The following TRIM33 variants were observed in gnomAD, a reference collection of about 807,000 sequenced individuals.
The protein encoded by TRIM33 is E3 ubiquitin-protein ligase TRIM33.
Under a neutral mutation model 125.4 loss-of-function variants are expected in TRIM33, and 20 were observed. That is an observed-to-expected ratio of 0.16 (90% CI 0.11 to 0.23). TRIM33 has a LOEUF of 0.23. Among genes scored for constraint, TRIM33 ranks in the 10% least tolerant of loss-of-function variants. TRIM33 has a pLI of 1.00. For missense variants in TRIM33, 920 were observed against 1,411.4 expected (o/e 0.65, Z 5.58); for synonymous variants, 564 against 513.9 (o/e 1.10, Z -1.32).
chr1:114,422,885 T>G (rs1203495352), intron 10 of TRIM33, among the ~76,000 whole-genome samples: 3 of 152,198 alleles, frequency 2.0e-5, no homozygotes, highest in Non-Finnish European at 4.4e-5. Context: ...TAAAATTCTT[T>G]TAATTCCCAA....
chr1:114,483,255 T>G (rs2101496240), intron 1 of TRIM33, among the ~76,000 whole-genome samples: 1 of 152,120 alleles, frequency 6.6e-6, no homozygotes, highest in South Asian at 2.1e-4. Context: ...TGCAGAGAGC[T>G]GCGATCACAC....
intron 4 of TRIM33, among the ~76,000 whole-genome samples, chr1:114,454,346 C>A (rs185096479): frequency 3.6e-4 from 55 of 152,092 alleles, no homozygotes; most frequent in Admixed American, 2.0e-3. Flanking sequence ...AGACCCAATT[C>A]CAGAGGAGTT....
chr1:114,427,879 T>C lies in TRIM33; in HGVS notation c.1171A>G (p.Arg391Gly). The C allele has an allele frequency of 6.2e-7, 1 of 1,614,140 alleles. No homozygotes were observed. Among genetic ancestry groups the C allele is most frequent in the Non-Finnish European group, 8.5e-7 (1 of 1,179,990 alleles). ...TGCTGCTGTAGTAACTTCATCTGTC[T>C]TTCCTTTGTAACATTCTGAAACAGA... ...LQQLENVTKERQMKLLQQQND... is the reference protein window; with the variant it reads ...LQQLENVTKEGQMKLLQQQND... Residue 391 changes from arginine to glycine, a missense_variant, in exon 7 of 20, where the codon AGA becomes GGA. This residue lies in a region of TRIM33 where 50 missense variants were observed against 110.8 expected (regional missense o/e 0.45). Transcript: ENST00000358465.
chr1:114,472,519 G>C (rs1650710181), intron 1 of TRIM33, among the ~76,000 whole-genome samples: 1 of 152,128 alleles, frequency 6.6e-6, no homozygotes, highest in African/African-American at 2.4e-5. Context: ...GATCGCTTCA[G>C]TCTAGGAGTT....
At chr1:114,481,742 A>G (rs986122300) in intron 1 of TRIM33, among the ~76,000 whole-genome samples, 9 of 151,466 alleles carry the variant, frequency 5.9e-5, no homozygotes, top group African/African-American at 2.2e-4. Context: ...CATGGGATAC[A>G]GCTGAAAGAG....
chr1:114,448,236 T>C lies in TRIM33; in HGVS notation c.924-14503A>G, dbSNP rs181129332. Among the ~76,000 whole-genome samples, 18 of 152,310 alleles carry C rather than the reference T, an allele frequency of 1.2e-4. No individual in the cohort carries two copies. In the East Asian group the frequency reaches 2.5e-3, roughly 21 times the overall value. ...TAGCTTTCTAAAGGAAGAGAGTTCATCTAAGATAACAGAAATGTAGAAATA... is the reference window on the plus strand; with the variant it reads ...TAGCTTTCTAAAGGAAGAGAGTTCACCTAAGATAACAGAAATGTAGAAATA... On this transcript the variant is annotated intron_variant, in intron 4 of 19. Coordinates refer to ENST00000358465, the MANE Select transcript of TRIM33 (RefSeq NM_015906.4).
chr1:114,485,804 G>C (rs528369787), intron 1 of TRIM33, among the ~76,000 whole-genome samples: 1 of 152,258 alleles, frequency 6.6e-6, no homozygotes, highest in African/African-American at 2.4e-5. Context: ...AGAATCGCAA[G>C]TCTCAGAATG....
chr1:114,501,107 G>T (rs1402287852), intron 1 of TRIM33, among the ~76,000 whole-genome samples: 1 of 73,334 alleles, frequency 1.4e-5, no homozygotes, highest in Non-Finnish European at 2.9e-5. Context: ...GGAGAATGGC[G>T]TGAACCCGGG....
chr1:114,494,164 G>T (rs1355251613), intron 1 of TRIM33, among the ~76,000 whole-genome samples: 2 of 151,502 alleles, frequency 1.3e-5, no homozygotes, highest in African/African-American at 4.9e-5. Flanking sequence ...GCCTCACTAT[G>T]TTGCCCAAGC....
intron 4 of TRIM33, among the ~76,000 whole-genome samples, chr1:114,441,364 C>T (rs759873069): frequency 1.1e-4 from 17 of 152,278 alleles, no homozygotes; most frequent in South Asian, 1.0e-3. Context: ...AAGAAATATT[C>T]AAAGGGTAGG....
At chr1:114,420,421 A>AC in intron 11 of TRIM33, 1 of 1,335,452 alleles carries the variant, frequency 7.5e-7, no homozygotes, top group Non-Finnish European at 9.9e-7. Context: ...CCAAACTCAT[A>AC]CCAGGAGTGC....
intron 4 of TRIM33, among the ~76,000 whole-genome samples, chr1:114,451,767 A>C (rs1649326696): frequency 6.6e-6 from 1 of 152,230 alleles, no homozygotes; most frequent in African/African-American, 2.4e-5. Context: ...TCCTCACAAC[A>C]ACCTTATAAA....
intron 6 of TRIM33, among the ~76,000 whole-genome samples, chr1:114,428,814 G>C (rs1367644066): frequency 6.6e-6 from 1 of 151,892 alleles, no homozygotes; most frequent in East Asian, 1.9e-4. Context: ...TTAGTAGTAT[G>C]TGGCGTATTT....
chr1:114,508,362 C>T (rs754930997), intron 1 of TRIM33, among the ~76,000 whole-genome samples: 2 of 152,172 alleles, frequency 1.3e-5, no homozygotes, highest in Non-Finnish European at 2.9e-5. Context: ...CAAACACAAT[C>T]TGTATTTCTG....
intron 12 of TRIM33, among the ~76,000 whole-genome samples, chr1:114,409,512 CTCT>C (rs1021742490): frequency 6.6e-6 from 1 of 151,574 alleles, no homozygotes; most frequent in African/African-American, 2.4e-5. Flanking sequence ...AACCAAAGAA[CTCT>C]TCAACTGACT....
At chr1:114,506,844 ATC>A (rs1362751394) in intron 1 of TRIM33, among the ~76,000 whole-genome samples, 5 of 152,328 alleles carry the variant, frequency 3.3e-5, no homozygotes, top group Admixed American at 6.5e-5. Flanking sequence ...AAATATTTAA[ATC>A]TGTGTTCCTC....
intron 4 of TRIM33, among the ~76,000 whole-genome samples, chr1:114,441,643 A>T (rs1297957051): frequency 6.6e-6 from 1 of 152,208 alleles, no homozygotes; most frequent in African/African-American, 2.4e-5. Context: ...GCAAAGGAAA[A>T]TGACCAATTG....
At chr1:114,440,566 T>G (rs988473878) in intron 4 of TRIM33, among the ~76,000 whole-genome samples, 2 of 152,162 alleles carry the variant, frequency 1.3e-5, no homozygotes, top group Non-Finnish European at 2.9e-5. Flanking sequence ...TTAGATGAAG[T>G]ATACAAAAGA....
intron 4 of TRIM33, among the ~76,000 whole-genome samples, chr1:114,441,853 A>G (rs1648675866): frequency 6.6e-6 from 1 of 152,152 alleles, no homozygotes; most frequent in Admixed American, 6.5e-5. Context: ...TTCTCCTTCT[A>G]GCCATAAGCA....
Sources: gnomAD v4.1 joint callset for allele counts (sites outside exome capture counted in the v4.1 genomes callset) on GRCh38, gnomAD v4.1.1 for gene constraint, gnomAD v4.1.1 regional missense constraint, MANE v1.5 for transcripts, NCBI Gene and HGNC (gene_info 2026-07-23, HGNC 2026-07-21) for gene names.